Variants in PAK3 observed in about 807,000 individuals in gnomAD.
PAK3 encodes the protein p21 (RAC1) activated kinase 3, also known as serine/threonine-protein kinase PAK 3.
Under a neutral mutation model 41.0 loss-of-function variants are expected in PAK3, and 4 were observed. The ratio of observed to expected loss-of-function variants is 0.10; its 90% CI spans 0.05 to 0.22. PAK3 has a LOEUF of 0.22. PAK3 is among the 10% of genes least tolerant of loss of function. The pLI is 1.00. For missense variants in PAK3, 205 were observed against 409.9 expected (o/e 0.50, Z 4.32); for synonymous variants, 146 against 139.6 (o/e 1.05, Z -0.32).
intron 1 of PAK3, among the ~76,000 whole-genome samples, chrX:111,033,843 C>T (rs1299362757): frequency 3.6e-5 from 4 of 111,519 alleles, no homozygotes; most frequent in South Asian, 7.7e-4. Context: ...TGGAGACAGC[C>T]TGGTGTGATG....
chrX:110,977,902 A>G (rs1015395386), intron 1 of PAK3, among the ~76,000 whole-genome samples: 2 of 111,914 alleles, frequency 1.8e-5, no homozygotes, highest in African/African-American at 6.5e-5. Flanking sequence ...ATTTTCTTGC[A>G]TAATTGTCCT....
At chrX:110,970,425 G>T (rs1212780312) in intron 1 of PAK3, among the ~76,000 whole-genome samples, 1 of 111,854 alleles carries the variant, frequency 8.9e-6, no homozygotes, top group Non-Finnish European at 1.9e-5. Flanking sequence ...CCATAAAAAA[G>T]AATGAGTTCA....
chrX:111,027,993 A>ACG (rs2092293995), intron 1 of PAK3, among the ~76,000 whole-genome samples: 2 of 106,667 alleles, frequency 1.9e-5, no homozygotes, highest in South Asian at 3.9e-4. Context: ...TATAATATAT[A>ACG]TGTGTGTGTG....
At chrX:111,201,414 C>A (rs751026313) in intron 16 of PAK3, among the ~76,000 whole-genome samples, 4 of 111,428 alleles carry the variant, frequency 3.6e-5, no homozygotes, top group African/African-American at 1.3e-4. Context: ...GGTGCCCAGG[C>A]CATATGTGGG....
chrX:111,160,992 G>T (rs1462190748), intron 8 of PAK3, among the ~76,000 whole-genome samples: 1 of 111,599 alleles, frequency 9.0e-6, no homozygotes, highest in African/African-American at 3.3e-5. Context: ...GTAATGGGAT[G>T]GCTGGGTCAA....
At chrX:111,056,264 T>C (rs2092604086) in intron 1 of PAK3, among the ~76,000 whole-genome samples, 2 of 111,364 alleles carry the variant, frequency 1.8e-5, no homozygotes, top group South Asian at 3.8e-4. Context: ...CTGAGACCAG[T>C]CCCCAAGTGA....
At chrX:111,003,014 A>T (rs2091872226) in intron 1 of PAK3, among the ~76,000 whole-genome samples, 1 of 112,034 alleles carries the variant, frequency 8.9e-6, no homozygotes, top group Admixed American at 9.5e-5. Flanking sequence ...TGTGTGCTGT[A>T]ACAAGCCCTC....
At chrX:111,103,508 T>G (rs1264899417) in intron 4 of PAK3, among the ~76,000 whole-genome samples, 4 of 112,233 alleles carry the variant, frequency 3.6e-5, no homozygotes, top group Non-Finnish European at 7.5e-5. Flanking sequence ...AATATGGGAA[T>G]GACAGCCTTG....
Position 111,224,256 on chromosome X carries a change from C to T in PAK3, c.*3809C>T, listed in dbSNP as rs1394307717. The T allele has an allele frequency of 1.8e-5, 2 of 111,654 alleles. No homozygotes were observed. Among genetic ancestry groups the T allele is most frequent in the Non-Finnish European group, 3.8e-5 (2 of 53,146 alleles). 9.2% of individuals were successfully genotyped at this position (111,654 alleles called of 1,213,427 possible). On this transcript the variant is annotated 3_prime_UTR_variant, in exon 18 of 18. Transcript: ENST00000372007. ...CTTCTGCTTTAAAACAGGTTGTCTGCCCTCTGCTTTGGTATGGCATTCGGG... is the reference window on the plus strand; with the variant it reads ...CTTCTGCTTTAAAACAGGTTGTCTGTCCTCTGCTTTGGTATGGCATTCGGG...
At chrX:111,166,907 C>A (rs745633348) in intron 10 of PAK3, among the ~76,000 whole-genome samples, 39 of 111,792 alleles carry the variant, frequency 3.5e-4, no homozygotes, top group African/African-American at 1.2e-3. Context: ...TAAGTCATCA[C>A]TGGGTCTGAG....
At chrX:110,989,296 C>T (rs929097620) in intron 1 of PAK3, among the ~76,000 whole-genome samples, 2 of 111,983 alleles carry the variant, frequency 1.8e-5, no homozygotes, top group East Asian at 5.6e-4. Context: ...TTGTATTTTC[C>T]TGATGGTACT....
At position 111,225,409 on chromosome X, in the gene PAK3, T is replaced by G. The variant is rs1055425323; in HGVS notation, c.*4962T>G. ...CTTGTAGCATTTACTGCCACTTAAT[T>G]GGGTTGAACTTGCAAGATAAACTTT... On this transcript the variant is annotated 3_prime_UTR_variant, in exon 18 of 18. Transcript: ENST00000372007. 9 of 112,249 alleles carry G rather than the reference T, an allele frequency of 8.0e-5. No homozygotes were observed. The highest frequency in any genetic ancestry group is 2.6e-4 in the African/African-American group (8 of 30,897). 9.3% of individuals were successfully genotyped at this position (112,249 alleles called of 1,213,427 possible). A position where few individuals can be genotyped will look rare whatever the true frequency, so the allele number is the denominator to read the frequency against.
chrX:111,021,074 C>T (rs951474348), intron 1 of PAK3, among the ~76,000 whole-genome samples: 2 of 111,730 alleles, frequency 1.8e-5, no homozygotes, highest in African/African-American at 6.5e-5. Flanking sequence ...CTCTACCTGC[C>T]CCCGGGAAGA....
At chrX:111,130,696 T>G (rs2093705259) in intron 5 of PAK3, among the ~76,000 whole-genome samples, 1 of 111,991 alleles carries the variant, frequency 8.9e-6, no homozygotes, top group African/African-American at 3.2e-5. Context: ...TCCTCTTTTC[T>G]CAGTAGTTAT....
chrX:111,192,651 C>A (rs768382495), intron 13 of PAK3, 33 bp downstream of exon 13: 1 of 679,269 alleles, frequency 1.5e-6, no homozygotes, highest in Non-Finnish European at 2.4e-6. Context: ...TACTTATATT[C>A]TTTGTGGGAT....
At chrX:111,021,623 A>C (rs980113503) in intron 1 of PAK3, among the ~76,000 whole-genome samples, 11 of 110,996 alleles carry the variant, frequency 9.9e-5, no homozygotes, top group African/African-American at 3.3e-4. Flanking sequence ...AGGTTCTTTA[A>C]CACCCCCCAA....
rs2094570796 is a variant in PAK3, at chrX:111,192,633, TTATTATG to T, written c.992+18_992+24del. On this transcript the variant is annotated intron_variant, in intron 13 of 17. Transcript: ENST00000372007. ...TATTTAGATAGGTAAGTGTTTTGTC[TTATTATG>T]TACTTATATTCTTTGTGGGATGTCA... 1 of 754,386 alleles carries T rather than the reference TTATTATG, an allele frequency of 1.3e-6. No homozygotes were observed. The highest frequency in any genetic ancestry group is 2.1e-6 in the Non-Finnish European group (1 of 481,670). The allele number at this position is 754,386 out of a possible 1,213,427, so 62.2% of individuals were successfully genotyped here. A position where few individuals can be genotyped will look rare whatever the true frequency, so the allele number is the denominator to read the frequency against.
chrX:110,976,370 C>A (rs2091330108), intron 1 of PAK3, among the ~76,000 whole-genome samples: 1 of 112,451 alleles, frequency 8.9e-6, no homozygotes, highest in Non-Finnish European at 1.9e-5. Flanking sequence ...TGCTCATCAT[C>A]ACTGGTCATC....
chrX:110,945,696 C>G (rs968903527), intron 1 of PAK3, among the ~76,000 whole-genome samples: 1 of 111,681 alleles, frequency 9.0e-6, no homozygotes, highest in African/African-American at 3.3e-5. Flanking sequence ...AAACTAAATG[C>G]ACCTATGTGT....
Sources: allele counts gnomAD v4.1 joint callset (sites outside exome capture counted in the v4.1 genomes callset), GRCh38; gene constraint gnomAD v4.1.1; transcripts MANE v1.5; gene names NCBI Gene and HGNC (gene_info 2026-07-23, HGNC 2026-07-21).